CPEB4: variants seen among roughly 807,000 people sequenced by gnomAD.
CPEB4 encodes the protein cytoplasmic polyadenylation element-binding protein 4.
A neutral mutation model predicts 72.5 loss-of-function variants in CPEB4; 12 were observed. That is an observed-to-expected ratio of 0.17 (90% confidence interval 0.11 to 0.27). The LOEUF (loss-of-function observed/expected upper bound fraction) is 0.27, where lower values mean the gene tolerates loss of function less well. Among genes scored for constraint, CPEB4 ranks in the 10% least tolerant of loss-of-function variants. CPEB4 has a pLI of 1.00. For synonymous variants in CPEB4, 302 were observed against 326.3 expected (o/e 0.93, Z 0.80); for missense variants, 614 against 908.5 (o/e 0.68, Z 4.17).
At position 173,947,749 on chromosome 5, in the gene CPEB4, T is replaced by C. The variant is rs140068763; in HGVS notation, c.1457-1759T>C. Among the ~76,000 whole-genome samples the C allele has an allele frequency of 5.7e-3, 872 of 152,296 alleles. 13 individuals are homozygous for C. Among genetic ancestry groups the C allele is most frequent in the African/African-American group, 0.02 (818 of 41,570 alleles). On this transcript the variant is annotated intron_variant, in intron 5 of 9. Transcript: ENST00000265085. ...TTCTTTATTTCCTAGCTTCCTTCACTGTGAAGACTTAGAAATAATGAATAC... is the reference window on the plus strand; with the variant it reads ...TTCTTTATTTCCTAGCTTCCTTCACCGTGAAGACTTAGAAATAATGAATAC...
At chr5:173,922,958 A>G (rs968375691) in intron 2 of CPEB4, among the ~76,000 whole-genome samples, 2 of 152,276 alleles carry the variant, frequency 1.3e-5, no homozygotes, top group African/African-American at 4.8e-5. Context: ...ATTACCAGAC[A>G]TCTTTGAATA....
intron 2 of CPEB4, among the ~76,000 whole-genome samples, chr5:173,919,388 G>A (rs918859387): frequency 1.3e-5 from 2 of 152,122 alleles, no homozygotes; most frequent in African/African-American, 4.8e-5. Context: ...AAATATTAGG[G>A]ACCTTCCTAC....
chr5:173,947,122 C>T (rs1004178219), intron 5 of CPEB4, among the ~76,000 whole-genome samples: 2 of 151,560 alleles, frequency 1.3e-5, no homozygotes, highest in African/African-American at 4.9e-5. Context: ...GTTCCTTTAC[C>T]CTGCCCTATT....
chr5:173,929,352 C>T (rs1561621595), intron 2 of CPEB4, among the ~76,000 whole-genome samples: 1 of 152,176 alleles, frequency 6.6e-6, no homozygotes, highest in Non-Finnish European at 1.5e-5. Context: ...TGTGAAACTT[C>T]ATTGTGAAAC....
Position 173,890,623 on chromosome 5 carries a change from C to T in CPEB4, c.890C>T (p.Ser297Phe), listed in dbSNP as rs754094881. The T allele has an allele frequency of 2.5e-6, 4 of 1,614,044 alleles. No homozygotes were observed. In the East Asian group the frequency reaches 6.7e-5, roughly 27 times the overall value. ...SYQSPSPTPS[S>F]SWSPGGGGYG... is the part of the protein sequence containing the mutation. ...CAGAGTCCGTCACCAACACCCTCCT[C>T]TTCCTGGAGCCCGGGCGGTGGTGGA... is the stretch of plus-strand genomic sequence containing the variant. Residue 297 changes from serine (S) to phenylalanine (F), a missense_variant, in exon 1 of 10, where the codon TCT becomes TTT. Physicochemically the swap from Ser to Phe is radical, Grantham distance 155 (BLOSUM62 -2). Transcript: ENST00000265085.
In CPEB4 at chr5:173,899,459, T is replaced by C. The variant is rs538036167; in HGVS notation, c.1125+8601T>C. On this transcript the variant is annotated intron_variant, in intron 1 of 9. Transcript: ENST00000265085. ...ACATTTCTGTTGTACCTGCTCAGTC[T>C]GTTTCACTGCTCAACCTGGTGCCAA... is the stretch of plus-strand genomic sequence containing the variant. Among the ~76,000 whole-genome samples, 12 of 152,354 alleles carry C rather than the reference T, an allele frequency of 7.9e-5. No homozygotes were observed. The South Asian group carries it at 2.5e-3, about 32-fold the overall frequency.
intron 5 of CPEB4, among the ~76,000 whole-genome samples, chr5:173,948,844 T>TA (rs988832757): frequency 1.3e-5 from 2 of 152,126 alleles, no homozygotes. Context: ...GAGCCTCTTT[T>TA]ATAAGGGCAC....
chr5:173,919,254 G>T (rs969162401), intron 2 of CPEB4, among the ~76,000 whole-genome samples: 5 of 152,080 alleles, frequency 3.3e-5, no homozygotes, highest in African/African-American at 7.2e-5. Flanking sequence ...TAAGTTTTGT[G>T]TACAATTTAA....
intron 3 of CPEB4, among the ~76,000 whole-genome samples, chr5:173,939,619 A>C (rs1757757855): frequency 6.6e-6 from 1 of 152,206 alleles, no homozygotes; most frequent in African/African-American, 2.4e-5. Context: ...TTGATTCTGC[A>C]TATAGGGCTA....
intron 3 of CPEB4, among the ~76,000 whole-genome samples, chr5:173,941,235 G>A (rs1359933428): frequency 6.6e-6 from 1 of 152,118 alleles, no homozygotes; most frequent in Non-Finnish European, 1.5e-5. Flanking sequence ...TAGAATGTTC[G>A]TAAACAAGCA....
chr5:173,897,968 G>T (rs55646464), intron 1 of CPEB4, among the ~76,000 whole-genome samples: 33,469 of 152,028 alleles, frequency 0.22, 4,894 homozygotes, highest in Non-Finnish European at 0.3. Flanking sequence ...ACATGCCAAA[G>T]AAAAACTCCA....
rs1758194878 is a variant in CPEB4 at position 173,950,909 on chromosome 5, G to A, written c.1665+831G>A. On this transcript the variant is annotated intron_variant, in intron 7 of 9. Coordinates refer to ENST00000265085, the MANE Select transcript of CPEB4 (RefSeq NM_030627.4). The surrounding 1 kb of genome is among the most constrained non-coding windows in gnomAD (Gnocchi z 5.0). ...CTTTAGGAAGAGGAGCAACTGGCATGTTTTGATGACTCTGGCAAAGCAGCA... is the reference window on the plus strand; with the variant it reads ...CTTTAGGAAGAGGAGCAACTGGCATATTTTGATGACTCTGGCAAAGCAGCA... Among the ~76,000 whole-genome samples, 1 of 152,218 alleles carries A rather than the reference G, an allele frequency of 6.6e-6. No homozygotes were observed. The highest frequency in any genetic ancestry group is 2.1e-4 in the South Asian group (1 of 4,830).
intron 6 of CPEB4, 83 bp downstream of exon 6, chr5:173,949,680 CTGTAAAATGT>C: frequency 1.0e-6 from 1 of 959,368 alleles, no homozygotes; most frequent in Non-Finnish European, 1.6e-6. Context: ...TTCACCTTCA[CTGTAAAATGT>C]TGCATTGTTA....
At chr5:173,894,315 T>C (rs892133535) in intron 1 of CPEB4, among the ~76,000 whole-genome samples, 2 of 152,142 alleles carry the variant, frequency 1.3e-5, no homozygotes, top group Non-Finnish European at 2.9e-5. Flanking sequence ...TAAAGTAATA[T>C]GCATATAATA....
intron 1 of CPEB4, among the ~76,000 whole-genome samples, chr5:173,903,059 T>TG (rs1481090009): frequency 3.3e-5 from 4 of 121,586 alleles, no homozygotes; most frequent in African/African-American, 1.1e-4. Flanking sequence ...TGTAGCTGAA[T>TG]GAAAAAAAAA....
chr5:173,932,391 A>G (rs1757477773), intron 2 of CPEB4, 59 bp from the exon 3 acceptor site: 20 of 1,349,052 alleles, frequency 1.5e-5, no homozygotes, highest in Non-Finnish European at 1.9e-5. Context: ...CTGTTATTGA[A>G]TAAGTTTAAA....
chr5:173,937,163 C>G (rs1447107419), intron 3 of CPEB4, among the ~76,000 whole-genome samples: 1 of 151,908 alleles, frequency 6.6e-6, no homozygotes, highest in Non-Finnish European at 1.5e-5. Context: ...CTGCCTCACC[C>G]TCCCAAGTAG....
intron 2 of CPEB4, among the ~76,000 whole-genome samples, chr5:173,927,009 C>A (rs1422230563): frequency 1.3e-5 from 2 of 151,988 alleles, no homozygotes; most frequent in African/African-American, 4.8e-5. Flanking sequence ...AAATTACCCG[C>A]GCATGATGGC....
At chr5:173,909,247 ATTTTG>A (rs1004171949) in intron 1 of CPEB4, among the ~76,000 whole-genome samples, 5 of 152,108 alleles carry the variant, frequency 3.3e-5, no homozygotes, top group Non-Finnish European at 4.4e-5. Context: ...AAGAATTGAG[ATTTTG>A]TTTTGTTTTG....
Sources: allele counts gnomAD v4.1 joint callset (sites outside exome capture counted in the v4.1 genomes callset), GRCh38; gene constraint gnomAD v4.1.1; non-coding constraint Gnocchi (gnomAD v3.1); transcripts MANE v1.5; gene names NCBI Gene and HGNC (gene_info 2026-07-23, HGNC 2026-07-21).